CFTR: variants seen among roughly 807,000 people sequenced by gnomAD.
CFTR encodes the protein CF transmembrane conductance regulator, also known as cystic fibrosis transmembrane conductance regulator.
In CFTR, 181 loss-of-function variants were observed where a neutral mutation model predicts 171.6. The observed-to-expected ratio is 1.05, with a 90% CI of 0.93 to 1.19. The LOEUF is 1.19. Ranked by LOEUF, CFTR falls within the 50% of genes most tolerant of loss-of-function variation. CFTR has a pLI of 0.00. For missense variants in CFTR, 1,968 were observed against 1,734.7 expected, an observed-to-expected ratio of 1.13 and a Z score of -2.39; for synonymous variants, 583 against 608.0, an observed-to-expected ratio of 0.96 and a Z score of 0.60.
At chr7:117,598,865 A>G (rs1792178509) in intron 15 of CFTR, among the ~76,000 whole-genome samples, 1 of 152,190 alleles carries the variant, frequency 6.6e-6, no homozygotes, top group Admixed American at 6.5e-5. Context: ...TACATAGGCC[A>G]TTTTGTGGTT....
chr7:117,536,382 T>C (rs1265974352), intron 6 of CFTR, among the ~76,000 whole-genome samples, 166 bp from the exon 7 acceptor site: 1 of 152,182 alleles, frequency 6.6e-6, no homozygotes, highest in African/African-American at 2.4e-5. Flanking sequence ...TAGGAGGCAT[T>C]TACCAAACAG....
At chr7:117,552,081 C>T (rs1370928288) in intron 10 of CFTR, among the ~76,000 whole-genome samples, 1 of 151,956 alleles carries the variant, frequency 6.6e-6, no homozygotes, top group Non-Finnish European at 1.5e-5. Context: ...TATATACACA[C>T]ACACATATAT....
At chr7:117,595,873 G>C (rs1369323129) in intron 15 of CFTR, among the ~76,000 whole-genome samples, 4 of 152,172 alleles carry the variant, frequency 2.6e-5, no homozygotes, top group South Asian at 2.1e-4. Flanking sequence ...GTGCCAGAGA[G>C]AGACCCTATC....
intron 2 of CFTR, among the ~76,000 whole-genome samples, chr7:117,508,757 T>G (rs1361478684): frequency 6.6e-6 from 1 of 152,250 alleles, no homozygotes; most frequent in Non-Finnish European, 1.5e-5. Context: ...ACCCTTTTCA[T>G]TGTTTTTTAG....
intron 10 of CFTR, among the ~76,000 whole-genome samples, chr7:117,558,360 C>T (rs36046385): frequency 0.049 from 7,404 of 152,042 alleles, 261 homozygotes; most frequent in African/African-American, 0.084. Flanking sequence ...CAAGACCATC[C>T]TGGCTAACAC....
At chr7:117,578,385 T>G (rs1584806451) in intron 11 of CFTR, among the ~76,000 whole-genome samples, 1 of 152,180 alleles carries the variant, frequency 6.6e-6, no homozygotes, top group East Asian at 1.9e-4. Context: ...TAGCTTGCTT[T>G]ATTGTAATAA....
chr7:117,526,239 G>A (rs1293901975), intron 3 of CFTR, among the ~76,000 whole-genome samples: 1 of 150,572 alleles, frequency 6.6e-6, no homozygotes, highest in Non-Finnish European at 1.5e-5. Context: ...CATGGAAACT[G>A]AACAACCTGC....
intron 21 of CFTR, among the ~76,000 whole-genome samples, chr7:117,616,757 T>C (rs1792498482): frequency 6.6e-6 from 1 of 152,152 alleles, no homozygotes; most frequent in Non-Finnish European, 1.5e-5. Flanking sequence ...ATGAAAAATA[T>C]CAATATTTGC....
At chr7:117,580,671 A>G (rs1433366028) in intron 11 of CFTR, among the ~76,000 whole-genome samples, 2 of 152,118 alleles carry the variant, frequency 1.3e-5, no homozygotes, top group African/African-American at 2.4e-5. Flanking sequence ...TATGAACTAC[A>G]AAAGCTTACA....
Position 117,530,928 on chromosome 7 carries a change from A to C in CFTR, c.303A>C (p.Leu101Phe). ...GEVTKAVQPL[L>F]LGRIIASYDP... ...TCACCAAAGCAGTACAGCCTCTCTT[A>C]CTGGGAAGAATCATAGCTTCCTATG... Residue 101 changes from leucine to phenylalanine, a missense_variant, in exon 4 of 27, where the codon TTA (leucine) becomes TTC (phenylalanine). Transcript: ENST00000003084. 2 of 1,613,434 alleles carry C rather than the reference A, an allele frequency of 1.2e-6. No homozygotes were observed. The highest frequency in any genetic ancestry group is 1.7e-6 in the Non-Finnish European group (2 of 1,179,616).
At chr7:117,505,819 C>CT (rs199546193) in intron 2 of CFTR, among the ~76,000 whole-genome samples, 7 of 152,010 alleles carry the variant, frequency 4.6e-5, no homozygotes, top group Admixed American at 2.6e-4. Context: ...AATTCATTTC[C>CT]TTTTTTTGGC....
intron 1 of CFTR, among the ~76,000 whole-genome samples, chr7:117,502,087 G>A (rs1312608279): frequency 6.6e-6 from 1 of 152,158 alleles, no homozygotes; most frequent in Non-Finnish European, 1.5e-5. Context: ...TCCGGAGAGG[G>A]GATTGTTAAA....
Position 117,592,611 on chromosome 7 carries a change from A to T in CFTR, c.2444A>T (p.Glu815Val). Residue 815 changes from glutamate to valine, a missense_variant, in exon 14 of 27, where the codon GAA becomes GTA. By Grantham distance (121) the Glu-to-Val change is moderately radical. Coordinates refer to ENST00000003084, the MANE Select transcript of CFTR (RefSeq NM_000492.4). ...ATATATTCAAGAAGGTTATCTCAAG[A>T]AACTGGCTTGGAAATAAGTGAAGAA... is the stretch of plus-strand genomic sequence containing the variant. Reference protein sequence around the residue: ...LDIYSRRLSQETGLEISEEIN... With the variant: ...LDIYSRRLSQVTGLEISEEIN... The T allele has an allele frequency of 6.5e-7, 1 of 1,532,342 alleles. No homozygotes were observed. Among genetic ancestry groups the T allele is most frequent in the Non-Finnish European group, 8.7e-7 (1 of 1,147,266 alleles). 94.9% of individuals were successfully genotyped at this position (1,532,342 alleles called of 1,614,324 possible).
At chr7:117,568,220 A>T (rs564083442) in intron 11 of CFTR, among the ~76,000 whole-genome samples, 16 of 152,272 alleles carry the variant, frequency 1.1e-4, no homozygotes, top group South Asian at 2.1e-4. Flanking sequence ...TTGGGAGAGG[A>T]CAGTTATATC....
rs959801983 is a variant in CFTR, at chr7:117,650,093, G to A, written c.3874-2749G>A. ...AGGAGGGGCTAAACCATGTAGGGTC[G>A]TGTAGGCCATCTTAAAGGCCTGAGT... On this transcript the variant is annotated intron_variant, in intron 23 of 26. Coordinates refer to ENST00000003084, the MANE Select transcript of CFTR (RefSeq NM_000492.4). Among the ~76,000 whole-genome samples, 11 of 152,058 alleles carry A rather than the reference G, an allele frequency of 7.2e-5. No homozygotes were observed. In the South Asian group the frequency reaches 1.2e-3, roughly 17 times the overall value.
At chr7:117,613,398 T>C (rs532805826) in intron 20 of CFTR, among the ~76,000 whole-genome samples, 17 of 152,264 alleles carry the variant, frequency 1.1e-4, no homozygotes, top group African/African-American at 4.1e-4. Flanking sequence ...CCTGGCTCAA[T>C]TGGTCTTCAG....
In CFTR at chr7:117,634,082, T is replaced by C. The variant is rs1792790999; in HGVS notation, c.3717+6312T>C. Among the ~76,000 whole-genome samples, 6 of 152,234 alleles carry C rather than the reference T, an allele frequency of 3.9e-5. No individual in the cohort carries two copies. In the South Asian group the frequency reaches 1.0e-3, roughly 26 times the overall value. ...CAGAGAATTAGTAAAATTCCTACTT[T>C]AAATATTTTGTGGAATTCACCAGTG... On this transcript the variant is annotated intron_variant, in intron 22 of 26. Transcript: ENST00000003084.
In CFTR at chr7:117,559,732, A is replaced by G. The variant is rs143382119; in HGVS notation, c.1584+77A>G. ...ACCCAAATTATATATTTGGCTCCATATTCAATCGGTTAGTCTACATATATT... is the reference window on the plus strand; with the variant it reads ...ACCCAAATTATATATTTGGCTCCATGTTCAATCGGTTAGTCTACATATATT... On this transcript the variant is annotated intron_variant, in intron 11 of 26. Coordinates refer to ENST00000003084, the MANE Select transcript of CFTR (RefSeq NM_000492.4). The G allele has an allele frequency of 3.1e-3, 3,065 of 980,178 alleles. 75 individuals carry two copies. The South Asian group carries it at 0.039, about 12-fold the overall frequency. 60.7% of individuals were successfully genotyped at this position (980,178 alleles called of 1,614,324 possible).
chr7:117,663,860 A>G (rs1287128487), intron 24 of CFTR, among the ~76,000 whole-genome samples: 1 of 152,180 alleles, frequency 6.6e-6, no homozygotes, highest in Non-Finnish European at 1.5e-5. Flanking sequence ...TGAATAATTG[A>G]TAAGATCCAA....
Sources: allele counts gnomAD v4.1 joint callset (sites outside exome capture counted in the v4.1 genomes callset), GRCh38; gene constraint gnomAD v4.1.1; transcripts MANE v1.5; gene names NCBI Gene and HGNC (gene_info 2026-07-23, HGNC 2026-07-21).